The following DDX6 variants were observed in gnomAD, a reference collection of about 807,000 sequenced individuals.
DDX6 encodes the protein probable ATP-dependent RNA helicase DDX6.
DDX6 carries 7 observed loss-of-function variants against 60.6 expected under a neutral mutation model. The observed-to-expected ratio is 0.12, with a 90% CI of 0.07 to 0.22. DDX6 has a LOEUF of 0.22. DDX6 is among the 10% of genes least tolerant of loss of function. The probability of loss-of-function intolerance (pLI) is 1.00; values close to 1 mark genes in which losing one functional copy is unlikely to be tolerated. For synonymous variants in DDX6, 207 were observed against 201.0 expected (o/e 1.03, Z -0.25); for missense variants, 270 against 589.9 (o/e 0.46, Z 5.62).
intron 2 of DDX6, among the ~76,000 whole-genome samples, chr11:118,781,898 A>G (rs1861911924): frequency 6.6e-6 from 1 of 151,456 alleles, no homozygotes; most frequent in Admixed American, 6.6e-5. Context: ...ACTGCACTCC[A>G]GCCTGAGTGA....
intron 13 of DDX6, among the ~76,000 whole-genome samples, chr11:118,754,240 G>A (rs1171997357): frequency 6.6e-6 from 1 of 152,176 alleles, no homozygotes; most frequent in Admixed American, 6.5e-5. Context: ...GACCAGCCTA[G>A]GCAACAAAGC....
chr11:118,754,982 T>A, intron 12 of DDX6, 95 bp from the exon 13 acceptor site: 1 of 1,089,504 alleles, frequency 9.2e-7, no homozygotes, highest in Non-Finnish European at 1.3e-6. Context: ...ACAGGATTGA[T>A]AATGATGTTC....
At chr11:118,780,114 CAAAAA>C (rs71044492) in intron 3 of DDX6, among the ~76,000 whole-genome samples, 9 of 40,284 alleles carry the variant, frequency 2.2e-4, no homozygotes, top group African/African-American at 6.8e-4. Flanking sequence ...GACTCTATCT[CAAAAA>C]AAAAAAAAAA....
At chr11:118,768,155 C>T (rs886077241) in intron 5 of DDX6, 68 bp downstream of exon 5, 56 of 1,464,134 alleles carry the variant, frequency 3.8e-5, no homozygotes, top group African/African-American at 2.9e-4. Flanking sequence ...AAAAGAGTAT[C>T]TTCTACACAT....
intron 1 of DDX6, 51 bp downstream of exon 1, chr11:118,791,047 C>G (rs962715303): frequency 1.5e-5 from 2 of 131,830 alleles, no homozygotes; most frequent in African/African-American, 5.6e-5. Flanking sequence ...CTCCGAGGGG[C>G]GCGCAGGCCA....
At chr11:118,758,106 G>A (rs1478874260) in intron 9 of DDX6, among the ~76,000 whole-genome samples, 6 of 152,190 alleles carry the variant, frequency 3.9e-5, no homozygotes, top group Admixed American at 3.9e-4. Context: ...CATGTCAGGT[G>A]ACTTAAACTC....
chr11:118,786,379 C>A lies in DDX6; in HGVS notation c.-128G>T. The A allele has an allele frequency of 9.6e-6, 7 of 732,286 alleles. No individual in the cohort carries two copies. The highest frequency in any genetic ancestry group is 1.5e-5 in the Non-Finnish European group (7 of 474,780). The allele number at this position is 732,286 out of a possible 1,614,324, so 45.4% of individuals were successfully genotyped here. ...ATAAGTCTTGCTCAATAAATGAGTC[C>A]TTTATTGCAATGCAGGCAAGCACCT... On this transcript the variant is annotated 5_prime_UTR_variant, in exon 2 of 14. In the 5' UTR this introduces an upstream ATG that the reference lacks. Coordinates refer to ENST00000534980, the MANE Select transcript of DDX6 (RefSeq NM_004397.6).
chr11:118,766,263 C>T (rs1861350505), intron 5 of DDX6, among the ~76,000 whole-genome samples: 1 of 148,516 alleles, frequency 6.7e-6, no homozygotes, highest in Non-Finnish European at 1.5e-5. Context: ...CCCATCTCTA[C>T]TAAAAAAAAA....
chr11:118,754,976 G>A (rs73001477), intron 12 of DDX6, 89 bp from the exon 13 acceptor site: 349 of 1,103,552 alleles, frequency 3.2e-4, no homozygotes, highest in Non-Finnish European at 3.0e-4. Context: ...AACCACACAG[G>A]ATTGATAATG....
At chr11:118,755,327 CA>C in intron 12 of DDX6, 74 bp downstream of exon 12, 1 of 875,170 alleles carries the variant, frequency 1.1e-6, no homozygotes, top group South Asian at 1.4e-5. Context: ...CTCTATTTCA[CA>C]AAAGAACAAA....
At chr11:118,784,598 A>G (rs1862012331) in intron 2 of DDX6, among the ~76,000 whole-genome samples, 1 of 151,510 alleles carries the variant, frequency 6.6e-6, no homozygotes, top group South Asian at 2.1e-4. Flanking sequence ...AGCTGGGATT[A>G]CAGGCGCATG....
At position 118,748,608 on chromosome 11, in the gene DDX6, T is replaced by C. The variant is rs1161870338; in HGVS notation, c.*3497A>G. On this transcript the variant is annotated 3_prime_UTR_variant, in exon 14 of 14. Transcript: ENST00000534980. ...TTAATTTCCAAGAACTTATTTCATT[T>C]TTTTGTTACTCATCTAGAAGGTCAG... 6.6e-6 allele frequency: 1 copy of C among 152,198 alleles called. No individual in the cohort carries two copies. Among genetic ancestry groups the C allele is most frequent in the Non-Finnish European group, 1.5e-5 (1 of 68,038 alleles). 9.4% of individuals were successfully genotyped at this position (152,198 alleles called of 1,614,324 possible). A position where few individuals can be genotyped will look rare whatever the true frequency, so the allele number is the denominator to read the frequency against.
At chr11:118,759,317 C>G (rs536699401) in intron 8 of DDX6, 1 of 158,184 alleles carries the variant, frequency 6.3e-6, no homozygotes, top group Non-Finnish European at 1.4e-5. Context: ...CTCGGCCCCC[C>G]AAAGTGCTGG....
At chr11:118,756,487 C>T (rs1314757288) in intron 10 of DDX6, among the ~76,000 whole-genome samples, 164 bp from the exon 11 acceptor site, 1 of 152,102 alleles carries the variant, frequency 6.6e-6, no homozygotes, top group Non-Finnish European at 1.5e-5. Context: ...TTGATATCTT[C>T]GTCTACAGAA....
Position 118,749,744 on chromosome 11 carries a change from A to G in DDX6, c.*2361T>C, listed in dbSNP as rs1359853849. The G allele has an allele frequency of 6.6e-6, 1 of 152,644 alleles. No individual in the cohort carries two copies. The highest frequency in any genetic ancestry group is 2.4e-5 in the African/African-American group (1 of 41,452). 9.5% of individuals were successfully genotyped at this position (152,644 alleles called of 1,614,324 possible). A position where few individuals can be genotyped will look rare whatever the true frequency, so the allele number is the denominator to read the frequency against. ...AGAGGTGGGGGAGAAAGAGAGCTGC[A>G]TCGGTACAAGGGCACAATTTTTTTG... On this transcript the variant is annotated 3_prime_UTR_variant, in exon 14 of 14. Transcript: ENST00000534980.
chr11:118,749,999 T>C lies in DDX6; in HGVS notation c.*2106A>G, dbSNP rs1416587254. On this transcript the variant is annotated 3_prime_UTR_variant, in exon 14 of 14. Coordinates refer to ENST00000534980, the MANE Select transcript of DDX6 (RefSeq NM_004397.6). ...TCAGGAGGCATCTGTAGGATTTTGA[T>C]CTCCAAGGAATTGTGGGTGAGTCGC... The C allele has an allele frequency of 3.3e-5, 5 of 152,552 alleles. No homozygotes were observed. The highest frequency in any genetic ancestry group is 3.3e-4 in the Admixed American group (5 of 15,262). The allele number at this position is 152,552 out of a possible 1,614,324, so 9.4% of individuals were successfully genotyped here.
chr11:118,779,418 T>C (rs1861813868), intron 4 of DDX6, among the ~76,000 whole-genome samples: 1 of 152,286 alleles, frequency 6.6e-6, no homozygotes, highest in Middle Eastern at 3.4e-3. Flanking sequence ...AACTGTACTG[T>C]GGTTACGTAA....
chr11:118,765,789 A>G (rs1401707624), intron 5 of DDX6, among the ~76,000 whole-genome samples: 8 of 18,594 alleles, frequency 4.3e-4, no homozygotes, highest in African/African-American at 1.7e-3. Flanking sequence ...AAAGAAAGAA[A>G]AAAAAAATAG....
intron 2 of DDX6, among the ~76,000 whole-genome samples, chr11:118,785,462 C>T: frequency 6.6e-6 from 1 of 151,778 alleles, no homozygotes; most frequent in East Asian, 1.9e-4. Flanking sequence ...ACATTGGCCT[C>T]CCCAAAGTAC....
Sources: allele counts gnomAD v4.1 joint callset (sites outside exome capture counted in the v4.1 genomes callset), GRCh38; gene constraint gnomAD v4.1.1; transcripts MANE v1.5; gene names NCBI Gene and HGNC (gene_info 2026-07-23, HGNC 2026-07-21).